The following SLC4A4 variants were observed in gnomAD, a reference collection of about 807,000 sequenced individuals.
The protein encoded by SLC4A4 is electrogenic sodium bicarbonate cotransporter 1.
A neutral mutation model predicts 111.5 loss-of-function variants in SLC4A4; 27 were observed. That is an observed-to-expected ratio of 0.24 (90% confidence interval 0.18 to 0.33). The LOEUF (loss-of-function observed/expected upper bound fraction) is 0.33. Ranked by LOEUF, SLC4A4 falls within the 10% of genes least tolerant of loss-of-function variation. The pLI is 1.00. For synonymous variants in SLC4A4, 443 were observed against 463.4 expected, an observed-to-expected ratio of 0.96 and a Z score of 0.57; for missense variants, 909 against 1,315.5, an observed-to-expected ratio of 0.69 and a Z score of 4.78.
At chr4:71,365,592 A>C (rs776848357) in intron 6 of SLC4A4, among the ~76,000 whole-genome samples, 1 of 152,040 alleles carries the variant, frequency 6.6e-6, no homozygotes, top group Non-Finnish European at 1.5e-5. Flanking sequence ...ATTCTACTCA[A>C]CTCCTGTATC....
At chr4:71,096,317 AC>A (rs1445060962) in intron 2 of SLC4A4, among the ~76,000 whole-genome samples, 1 of 152,170 alleles carries the variant, frequency 6.6e-6, no homozygotes, top group African/African-American at 2.4e-5. Flanking sequence ...GGTAACCCAG[AC>A]GGTATGTATA....
At chr4:71,468,810 C>T (rs1727618939) in intron 13 of SLC4A4, among the ~76,000 whole-genome samples, 1 of 151,300 alleles carries the variant, frequency 6.6e-6, no homozygotes, top group African/African-American at 2.4e-5. Flanking sequence ...TGGTAGTTCA[C>T]TTTAGACTTT....
At chr4:71,232,962 G>A (rs901450067) in intron 1 of SLC4A4, among the ~76,000 whole-genome samples, 7 of 152,226 alleles carry the variant, frequency 4.6e-5, no homozygotes, top group African/African-American at 1.4e-4. Flanking sequence ...AGGGGAGCTG[G>A]CACTATTAAT....
upstream of SLC4A4, among the ~76,000 whole-genome samples, chr4:71,186,238 A>G (rs907591864): frequency 6.6e-6 from 1 of 152,248 alleles, no homozygotes; most frequent in African/African-American, 2.4e-5. Flanking sequence ...CAAGGAAGAC[A>G]GAAAGGCATC....
chr4:71,555,254 A>G (rs1235210155), intron 21 of SLC4A4, 46 bp downstream of exon 21: 1 of 1,203,226 alleles, frequency 8.3e-7, no homozygotes, highest in Non-Finnish European at 1.2e-6. Context: ...TTTTTCTAGT[A>G]GTAAGAATAG....
chr4:71,246,691 T>C (rs551636333), intron 2 of SLC4A4, among the ~76,000 whole-genome samples: 54 of 152,272 alleles, frequency 3.5e-4, no homozygotes, highest in African/African-American at 1.3e-3. Context: ...AGCCCATTTT[T>C]CCCTTCTCAA....
At chr4:71,453,144 G>C (rs1413691873) in intron 11 of SLC4A4, among the ~76,000 whole-genome samples, 1 of 152,146 alleles carries the variant, frequency 6.6e-6, no homozygotes, top group Non-Finnish European at 1.5e-5. Context: ...AGGGTGGAAA[G>C]GGTACTATGG....
intron 17 of SLC4A4, among the ~76,000 whole-genome samples, chr4:71,533,584 G>GT (rs1038019944): frequency 2.4e-4 from 36 of 147,560 alleles, no homozygotes; most frequent in Admixed American, 1.1e-3. Context: ...AAAAATGACA[G>GT]TTTTTTCCAG....
At chr4:71,349,153 G>A (rs962972635) in intron 4 of SLC4A4, among the ~76,000 whole-genome samples, 2 of 152,116 alleles carry the variant, frequency 1.3e-5, no homozygotes, top group African/African-American at 4.8e-5. Flanking sequence ...TTATCAAAAT[G>A]TCTAGGAGTC....
rs185143192 is a variant in SLC4A4, at chr4:71,090,152, G to C, written c.-64-2578G>C. Reference sequence around the variant, plus strand: ...TTGCAGTTTGATCTCAGACTGCTGTGCTAGCAATGAGCGAGGCTCCGTGGG... The same window carrying C: ...TTGCAGTTTGATCTCAGACTGCTGTCCTAGCAATGAGCGAGGCTCCGTGGG... On this transcript the variant is annotated intron_variant, in intron 1 of 26. Coordinates refer to the SLC4A4 transcript ENST00000649996. Among the ~76,000 whole-genome samples the C allele has an allele frequency of 3.8e-3, 578 of 152,166 alleles. 11 individuals are homozygous for C. Among genetic ancestry groups the C allele is most frequent in the African/African-American group, 0.013 (556 of 41,444 alleles).
intron 6 of SLC4A4, among the ~76,000 whole-genome samples, chr4:71,392,270 G>A (rs1719361785): frequency 6.6e-6 from 1 of 152,058 alleles, no homozygotes; most frequent in African/African-American, 2.4e-5. Flanking sequence ...AGGATTCAGA[G>A]GAAAAGCCAG....
intron 3 of SLC4A4, among the ~76,000 whole-genome samples, chr4:71,324,721 A>C (rs1350704199): frequency 6.6e-6 from 1 of 152,004 alleles, no homozygotes; most frequent in African/African-American, 2.4e-5. Flanking sequence ...TATGACCTGA[A>C]TCCATGTAAC....
chr4:71,497,481 T>G lies in SLC4A4; in HGVS notation c.1975-20T>G, dbSNP rs1324509926. ...TATGTCAATGTTCTCTAGAAAAATT[T>G]TAATGTTTTTCTTCTTCAGTACCAT... On this transcript the variant is annotated intron_variant, in intron 15 of 25. Coordinates refer to ENST00000264485, the MANE Select transcript of SLC4A4 (RefSeq NM_001098484.3). The G allele has an allele frequency of 1.2e-6, 2 of 1,606,022 alleles. No individual in the cohort carries two copies. Among genetic ancestry groups the G allele is most frequent in the Non-Finnish European group, 1.7e-6 (2 of 1,173,816 alleles).
Position 71,300,952 on chromosome 4 carries a change from A to C in SLC4A4, c.254-38418A>C, listed in dbSNP as rs1725202399. ...ATCACCAGGTTGTTGTTAGTGCCAT[A>C]GATCAGGGCTGATCATGTGAAGGGA... On this transcript the variant is annotated intron_variant, in intron 3 of 25. Coordinates refer to ENST00000264485, the MANE Select transcript of SLC4A4 (RefSeq NM_001098484.3). The C allele has an allele frequency of 5.8e-6, 3 of 518,836 alleles. No homozygotes were observed. In the African/African-American group the frequency reaches 5.8e-5, roughly 10 times the overall value. 32.1% of individuals were successfully genotyped at this position (518,836 alleles called of 1,614,324 possible).
intron 3 of SLC4A4, among the ~76,000 whole-genome samples, chr4:71,280,318 T>C (rs1449666379): frequency 2.6e-5 from 4 of 152,362 alleles, no homozygotes; most frequent in South Asian, 2.1e-4. Context: ...ATTAGATATA[T>C]GGTTTATGAA....
intron 24 of SLC4A4, among the ~76,000 whole-genome samples, chr4:71,565,249 A>T (rs532283134): frequency 6.6e-6 from 1 of 151,946 alleles, no homozygotes; most frequent in South Asian, 2.1e-4. Context: ...CGAAGTGTGA[A>T]TTGGCCTTAT....
intron 14 of SLC4A4, among the ~76,000 whole-genome samples, chr4:71,475,664 C>T (rs1435498328): frequency 1.3e-5 from 2 of 151,846 alleles, no homozygotes; most frequent in Non-Finnish European, 2.9e-5. Flanking sequence ...TTGGCTCAGG[C>T]CAAATGTGTG....
intron 14 of SLC4A4, among the ~76,000 whole-genome samples, chr4:71,477,992 G>A (rs1728523070): frequency 6.6e-6 from 1 of 151,858 alleles, no homozygotes; most frequent in South Asian, 2.1e-4. Flanking sequence ...AGAAATTTAT[G>A]CTGCCAACAA....
intron 7 of SLC4A4, among the ~76,000 whole-genome samples, chr4:71,403,817 G>A (rs1273573566): frequency 6.6e-6 from 1 of 152,122 alleles, no homozygotes; most frequent in Non-Finnish European, 1.5e-5. Context: ...CACTGGAGAT[G>A]CAATGTGATA....
Sources: gnomAD v4.1 joint callset for allele counts (sites outside exome capture counted in the v4.1 genomes callset) on GRCh38, gnomAD v4.1.1 for gene constraint, MANE v1.5 for transcripts, NCBI Gene and HGNC (gene_info 2026-07-23, HGNC 2026-07-21) for gene names.